Variants in NUCKS1 observed in about 807,000 individuals in gnomAD.
NUCKS1 encodes the protein nuclear casein kinase and cyclin dependent kinase substrate 1.
Under a neutral mutation model 33.0 loss-of-function variants are expected in NUCKS1, and 2 were observed. The ratio of observed to expected loss-of-function variants is 0.06; its 90% CI spans 0.02 to 0.19. NUCKS1 has a LOEUF of 0.19. NUCKS1 is among the 10% of genes least tolerant of loss of function. The pLI is 1.00. For missense variants in NUCKS1, 201 were observed against 293.6 expected (o/e 0.68, Z 2.31); for synonymous variants, 106 against 102.8 (o/e 1.03, Z -0.19).
rs1653815697 is a variant in NUCKS1 at position 205,727,838 on chromosome 1, G to A, written c.68-33C>T. The A allele has an allele frequency of 3.6e-6, 5 of 1,387,952 alleles. No individual in the cohort carries two copies. The South Asian group carries it at 4.7e-5, about 13-fold the overall frequency. The allele number at this position is 1,387,952 out of a possible 1,614,324, so 86.0% of individuals were successfully genotyped here. ...GTGTTTTTCAAACTTAATTAACTAT[G>A]ATTTTTACATGTTAAAATCACCACT... On this transcript the variant is annotated intron_variant, in intron 2 of 6. Transcript: ENST00000367142.
rs34305872 is a variant in NUCKS1, at chr1:205,717,395, GTT to G, written c.*883_*884del. 1.4e-5 allele frequency: 12 copies of G among 882,708 alleles called. No homozygotes were observed. The highest frequency in any genetic ancestry group is 1.3e-4 in the East Asian group (1 of 7,640). The allele number at this position is 882,708 out of a possible 1,614,324, so 54.7% of individuals were successfully genotyped here. A position where few individuals can be genotyped will look rare whatever the true frequency, so the allele number is the denominator to read the frequency against. ...CTGATCTTGTTGATTAAATTCTAGG[GTT>G]TTTTTTTTTTTGGATTCTTGGTAAA... is the stretch of plus-strand genomic sequence containing the variant. On this transcript the variant is annotated 3_prime_UTR_variant, in exon 7 of 7. Transcript: ENST00000367142.
intron 5 of NUCKS1, 38 bp from the exon 6 acceptor site, chr1:205,719,714 T>C (rs776865268): frequency 6.9e-6 from 11 of 1,588,122 alleles, no homozygotes; most frequent in Admixed American, 5.5e-5. Flanking sequence ...TAACTTAATG[T>C]ACACATCCTT....
rs1671784520 is a variant in NUCKS1, at chr1:205,714,003, A to G, written c.*4277T>C. On this transcript the variant is annotated 3_prime_UTR_variant, in exon 7 of 7. Transcript: ENST00000367142. ...TCTAAAAGCCTTTCTTTAACCTTGTAGGAATTAGATGCATAAGGTTTGCTG... is the reference window on the plus strand; with the variant it reads ...TCTAAAAGCCTTTCTTTAACCTTGTGGGAATTAGATGCATAAGGTTTGCTG... The G allele has an allele frequency of 6.6e-6, 1 of 152,208 alleles. No individual in the cohort carries two copies. The highest frequency in any genetic ancestry group is 1.5e-5 in the Non-Finnish European group (1 of 68,042). 9.4% of individuals were successfully genotyped at this position (152,208 alleles called of 1,614,324 possible).
intron 4 of NUCKS1, among the ~76,000 whole-genome samples, chr1:205,722,292 T>G (rs1005064928): frequency 8.5e-5 from 13 of 152,246 alleles, no homozygotes; most frequent in African/African-American, 3.1e-4. Context: ...GTTTTGCTCT[T>G]CTTGCTTAGG....
At chr1:205,735,697 GAGAACATTTC>G (rs1654017201) in intron 1 of NUCKS1, among the ~76,000 whole-genome samples, 1 of 152,148 alleles carries the variant, frequency 6.6e-6, no homozygotes, top group Non-Finnish European at 1.5e-5. Flanking sequence ...CAAGAGTGTT[GAGAACATTTC>G]AGAACATTTG....
Position 205,717,336 on chromosome 1 carries a change from T to G in NUCKS1, c.*944A>C. ...TTATTTGCTTAAAACCTAAACATTG[T>G]CAGTTTGAAAAGAAATCCACTGTGA... is the stretch of plus-strand genomic sequence containing the variant. On this transcript the variant is annotated 3_prime_UTR_variant, in exon 7 of 7. Transcript: ENST00000367142. 1 of 987,290 alleles carries G rather than the reference T, an allele frequency of 1.0e-6. No individual in the cohort carries two copies. The highest frequency in any genetic ancestry group is 1.2e-6 in the Non-Finnish European group (1 of 829,988). The allele number at this position is 987,290 out of a possible 1,614,324, so 61.2% of individuals were successfully genotyped here.
intron 1 of NUCKS1, among the ~76,000 whole-genome samples, chr1:205,749,174 CCG>C (rs1266803914): frequency 1.3e-5 from 2 of 152,232 alleles, no homozygotes; most frequent in African/African-American, 4.8e-5. Flanking sequence ...TGCTGTTAAC[CCG>C]CACCTCCCTG....
intron 1 of NUCKS1, among the ~76,000 whole-genome samples, chr1:205,744,868 G>GT (rs1396611241): frequency 6.6e-6 from 1 of 152,038 alleles, no homozygotes; most frequent in Non-Finnish European, 1.5e-5. Context: ...CCGACCTTAG[G>GT]TGATCTGCCC....
intron 1 of NUCKS1, among the ~76,000 whole-genome samples, chr1:205,742,119 T>G (rs1483519980): frequency 6.6e-6 from 1 of 152,238 alleles, no homozygotes; most frequent in Non-Finnish European, 1.5e-5. Flanking sequence ...CGACTTTTAC[T>G]CTTTCAGTGG....
intron 1 of NUCKS1, 40 bp downstream of exon 1, chr1:205,749,917 C>T (rs1377416341): frequency 6.3e-6 from 10 of 1,577,954 alleles, no homozygotes; most frequent in African/African-American, 2.7e-5. Flanking sequence ...TCGCCCCCAT[C>T]CCCCTCCAAC....
intron 1 of NUCKS1, among the ~76,000 whole-genome samples, chr1:205,740,901 G>A (rs1221036468): frequency 1.3e-5 from 2 of 151,488 alleles, no homozygotes; most frequent in African/African-American, 4.9e-5. Context: ...TTAGCCCCAT[G>A]AACAAGTATT....
At chr1:205,738,668 G>A (rs949809534) in intron 1 of NUCKS1, among the ~76,000 whole-genome samples, 6 of 152,114 alleles carry the variant, frequency 3.9e-5, no homozygotes, top group African/African-American at 1.4e-4. Flanking sequence ...AGGCCGAGGT[G>A]GGCGGATGGC....
chr1:205,720,170 G>T (rs565383698), intron 5 of NUCKS1, among the ~76,000 whole-genome samples: 168 of 152,216 alleles, frequency 1.1e-3, no homozygotes, highest in African/African-American at 3.9e-3. Context: ...GTGAAAAGAG[G>T]TCTACAACCT....
At chr1:205,744,234 T>C (rs973683763) in intron 1 of NUCKS1, among the ~76,000 whole-genome samples, 1 of 152,220 alleles carries the variant, frequency 6.6e-6, no homozygotes, top group Non-Finnish European at 1.5e-5. Flanking sequence ...CGAACTGGCT[T>C]TGGGTTGTTC....
In NUCKS1 at chr1:205,718,115, G is replaced by T; in HGVS notation, c.*165C>A. On this transcript the variant is annotated 3_prime_UTR_variant, in exon 7 of 7. Coordinates refer to ENST00000367142, the MANE Select transcript of NUCKS1 (RefSeq NM_022731.5). ...AAAAAAAAAAAAAAAGAGAGAGAGA[G>T]AGAAATGTTACTTTCAACAAATGGA... The T allele has an allele frequency of 8.1e-7, 1 of 1,233,186 alleles. No homozygotes were observed. Among genetic ancestry groups the T allele is most frequent in the Non-Finnish European group, 1.0e-6 (1 of 989,490 alleles). 76.4% of individuals were successfully genotyped at this position (1,233,186 alleles called of 1,614,324 possible).
At chr1:205,730,799 T>C (rs546158589) in intron 1 of NUCKS1, among the ~76,000 whole-genome samples, 32 of 152,246 alleles carry the variant, frequency 2.1e-4, no homozygotes, top group African/African-American at 7.7e-4. Flanking sequence ...ACCATTCTTT[T>C]CTACAAAACA....
At chr1:205,719,334 A>G (rs1671881946) in intron 6 of NUCKS1, among the ~76,000 whole-genome samples, 193 bp downstream of exon 6, 1 of 152,102 alleles carries the variant, frequency 6.6e-6, no homozygotes, top group Admixed American at 6.6e-5. Flanking sequence ...AGCCCACTAG[A>G]CTCTTAAACA....
chr1:205,736,134 T>G (rs1558054091), intron 1 of NUCKS1, among the ~76,000 whole-genome samples: 1 of 152,048 alleles, frequency 6.6e-6, no homozygotes, highest in Non-Finnish European at 1.5e-5. Context: ...AATTTTTTTT[T>G]GTAGAGACCA....
At chr1:205,748,423 G>A (rs1406210804) in intron 1 of NUCKS1, among the ~76,000 whole-genome samples, 2 of 152,156 alleles carry the variant, frequency 1.3e-5, no homozygotes, top group African/African-American at 4.8e-5. Context: ...TATTTTACCT[G>A]ATCCTAAAGA....
Sources: gnomAD v4.1 joint callset for allele counts (sites outside exome capture counted in the v4.1 genomes callset) on GRCh38, gnomAD v4.1.1 for gene constraint, MANE v1.5 for transcripts, NCBI Gene and HGNC (gene_info 2026-07-23, HGNC 2026-07-21) for gene names.